NAALADL2: variants seen among roughly 807,000 people sequenced by gnomAD.
NAALADL2 encodes the protein inactive N-acetylated-alpha-linked acidic dipeptidase-like protein 2.
In NAALADL2, 76 loss-of-function variants were observed where a neutral mutation model predicts 87.2. The observed-to-expected ratio is 0.87, with a 90% confidence interval of 0.72 to 1.05. The LOEUF is 1.05. NAALADL2 is among the 50% of genes least tolerant of loss of function. The probability of loss-of-function intolerance (pLI) is 0.00; values close to 1 mark genes in which losing one functional copy is unlikely to be tolerated. For missense variants in NAALADL2, 1,089 were observed against 945.8 expected, an observed-to-expected ratio of 1.15 and a Z score of -1.99; for synonymous variants, 354 against 331.0, an observed-to-expected ratio of 1.07 and a Z score of -0.75.
chr3:175,748,415 A>AATATAC (rs1448727166), intron 12 of NAALADL2, among the ~76,000 whole-genome samples: 6 of 152,176 alleles, frequency 3.9e-5, no homozygotes, highest in Admixed American at 1.3e-4. Flanking sequence ...GACATTAGGT[A>AATATAC]ATATACATTT....
intron 1 of NAALADL2, among the ~76,000 whole-genome samples, chr3:174,974,366 A>T (rs534374769): frequency 3.3e-5 from 5 of 152,132 alleles, no homozygotes; most frequent in African/African-American, 7.2e-5. Flanking sequence ...TGTCCAATAA[A>T]TTTTTTGAAA....
chr3:174,750,810 A>G, intron 3 of NAALADL2, among the ~76,000 whole-genome samples: 1 of 152,170 alleles, frequency 6.6e-6, no homozygotes, highest in Non-Finnish European at 1.5e-5. Context: ...TTCTCAATAT[A>G]CTTCCTGCCA....
intron 1 of NAALADL2, among the ~76,000 whole-genome samples, chr3:174,957,409 A>AT (rs1192082012): frequency 6.6e-6 from 1 of 151,980 alleles, no homozygotes; most frequent in Non-Finnish European, 1.5e-5. Flanking sequence ...GCTTGTTATC[A>AT]TTTGTGAGAT....
chr3:175,195,358 T>C (rs1356861566), intron 2 of NAALADL2, among the ~76,000 whole-genome samples: 1 of 151,788 alleles, frequency 6.6e-6, no homozygotes, highest in Non-Finnish European at 1.5e-5. Flanking sequence ...ATATATCATA[T>C]GTTGGATGAT....
chr3:175,578,325 G>T (rs1441561911), intron 10 of NAALADL2, among the ~76,000 whole-genome samples: 1 of 151,984 alleles, frequency 6.6e-6, no homozygotes, highest in Non-Finnish European at 1.5e-5. Context: ...GGGGATGGTG[G>T]GGAGGGCTGT....
chr3:174,924,839 T>C (rs1735756409), intron 1 of NAALADL2, among the ~76,000 whole-genome samples: 1 of 152,176 alleles, frequency 6.6e-6, no homozygotes, highest in African/African-American at 2.4e-5. Flanking sequence ...TTCAAGAGTC[T>C]GTTGGTCTGT....
intron 3 of NAALADL2, among the ~76,000 whole-genome samples, chr3:175,237,698 G>C (rs1471181784): frequency 6.6e-6 from 1 of 152,002 alleles, no homozygotes; most frequent in Non-Finnish European, 1.5e-5. Context: ...AAAAGAAGAA[G>C]CCGGTTTACT....
At chr3:175,453,098 A>G (rs1228899006) in intron 6 of NAALADL2, among the ~76,000 whole-genome samples, 2 of 152,148 alleles carry the variant, frequency 1.3e-5, no homozygotes, top group African/African-American at 4.8e-5. Context: ...TTACTTTAAA[A>G]AGTGTTTTCT....
intron 13 of NAALADL2, among the ~76,000 whole-genome samples, chr3:175,791,911 C>CG (rs1553775325): frequency 1.6e-5 from 2 of 127,970 alleles, no homozygotes; most frequent in Non-Finnish European, 3.4e-5. Flanking sequence ...GTTCCCAAAG[C>CG]AAAAAAAAAA....
chr3:175,350,463 C>T (rs1398145501), intron 5 of NAALADL2, among the ~76,000 whole-genome samples: 1 of 151,468 alleles, frequency 6.6e-6, no homozygotes. Flanking sequence ...GCCTCTGAAA[C>T]TCTGATGGGC....
chr3:174,827,670 T>A (rs2109354912), intron 3 of NAALADL2, among the ~76,000 whole-genome samples: 1 of 152,318 alleles, frequency 6.6e-6, no homozygotes, highest in Non-Finnish European at 1.5e-5. Flanking sequence ...ACAGGTTCAA[T>A]GTATTGGGAT....
At chr3:175,069,839 A>G (rs1481505656) in intron 1 of NAALADL2, among the ~76,000 whole-genome samples, 4 of 149,492 alleles carry the variant, frequency 2.7e-5, no homozygotes, top group Non-Finnish European at 4.5e-5. Context: ...GCCATAAAAA[A>G]TGATGAGTTC....
chr3:175,549,025 C>T (rs1338872812), intron 9 of NAALADL2, among the ~76,000 whole-genome samples: 2 of 151,988 alleles, frequency 1.3e-5, no homozygotes. Context: ...GTCTTGCAAT[C>T]TAAGAAATTC....
chr3:175,351,966 G>T (rs557641028), intron 5 of NAALADL2, among the ~76,000 whole-genome samples: 1 of 152,284 alleles, frequency 6.6e-6, no homozygotes, highest in South Asian at 2.1e-4. Context: ...GCACACTGCA[G>T]TAATAGGATT....
chr3:174,780,962 A>G (rs1023707017), intron 3 of NAALADL2, among the ~76,000 whole-genome samples: 3 of 152,038 alleles, frequency 2.0e-5, no homozygotes, highest in Admixed American at 6.6e-5. Flanking sequence ...GAGCTCATGT[A>G]AGGCAGGTGA....
intron 2 of NAALADL2, among the ~76,000 whole-genome samples, chr3:174,687,190 T>A (rs493073): frequency 0.75 from 113,606 of 152,006 alleles, 42,677 homozygotes; most frequent in East Asian, 0.9. Flanking sequence ...TGATCCTAGA[T>A]ATCACTGGAA....
rs1427458748 is a variant in NAALADL2, at chr3:175,447,288, G to A, written c.1150G>A (p.Ala384Thr). Reference sequence around the variant, plus strand: ...CTCTCTATTAGTGCAGCCCATCTCTGCACCCCTCGTTGCAAAACTGATCTC... The same window carrying A: ...CTCTCTATTAGTGCAGCCCATCTCTACACCCCTCGTTGCAAAACTGATCTC... ...LTSLLVQPIS[A>T]PLVAKLISSP... is the part of the protein sequence containing the mutation. The change falls in exon 6 of 14, where the codon GCA (alanine) becomes ACA (threonine). Residue 384 changes from alanine (A) to threonine (T), a missense_variant. Transcript: ENST00000454872. The A allele has an allele frequency of 6.2e-7, 1 of 1,607,728 alleles. No homozygotes were observed. Among genetic ancestry groups the A allele is most frequent in the Admixed American group, 1.7e-5 (1 of 59,438 alleles).
intron 5 of NAALADL2, among the ~76,000 whole-genome samples, chr3:175,326,243 A>G (rs576974349): frequency 3.0e-4 from 46 of 152,290 alleles, no homozygotes; most frequent in African/African-American, 1.1e-3. Flanking sequence ...TTTTCAGTAC[A>G]TTGTTCCTCA....
At chr3:175,496,718 T>A (rs1050113644) in intron 9 of NAALADL2, among the ~76,000 whole-genome samples, 1 of 151,996 alleles carries the variant, frequency 6.6e-6, no homozygotes. Flanking sequence ...TACACCCAGC[T>A]ATTTTTTGTG....
Sources: gnomAD v4.1 joint callset for allele counts (sites outside exome capture counted in the v4.1 genomes callset) on GRCh38, gnomAD v4.1.1 for gene constraint, MANE v1.5 for transcripts, NCBI Gene and HGNC (gene_info 2026-07-23, HGNC 2026-07-21) for gene names.